Variants in ZBTB38 observed in about 807,000 individuals in gnomAD.
The protein encoded by ZBTB38 is zinc finger and BTB domain containing 38, also known as zinc finger and BTB domain-containing protein 38.
ZBTB38 carries 20 observed loss-of-function variants against 76.8 expected under a neutral mutation model. The ratio of observed to expected loss-of-function variants is 0.26; its 90% CI spans 0.18 to 0.38. ZBTB38 has a LOEUF of 0.38. ZBTB38 is among the 10% of genes least tolerant of loss of function. ZBTB38 has a pLI of 1.00. For synonymous variants in ZBTB38, 504 were observed against 544.2 expected (o/e 0.93, Z 1.03); for missense variants, 1,082 against 1,482.3 (o/e 0.73, Z 4.43).
Position 141,344,283 on chromosome 3 carries a change from G to A in ZBTB38, c.-739+19827G>A, listed in dbSNP as rs143796162. Among the ~76,000 whole-genome samples, 614 of 152,170 alleles carry A rather than the reference G, an allele frequency of 4.0e-3. 6 individuals are homozygous for A. Among genetic ancestry groups the A allele is most frequent in the African/African-American group, 0.014 (574 of 41,510 alleles). On this transcript the variant is annotated intron_variant, in intron 1 of 7. Transcript: ENST00000509842. Reference sequence around the variant, plus strand: ...CTGTGTTTCCTTCTGGAGGCTTAGGGGAGAATCCCTTTCCCTACCCTTCCC... The same window carrying A: ...CTGTGTTTCCTTCTGGAGGCTTAGGAGAGAATCCCTTTCCCTACCCTTCCC...
chr3:141,431,341 A>AAAAAAAAAAAAAATATAT, intron 5 of ZBTB38, among the ~76,000 whole-genome samples: 1 of 103,296 alleles, frequency 9.7e-6, no homozygotes, highest in African/African-American at 6.0e-5. Context: ...AAAAAAAAAA[A>AAAAAAAAAAAAAATATAT]ATATATATAT....
At chr3:141,404,969 G>C (rs1364987460) in intron 5 of ZBTB38, among the ~76,000 whole-genome samples, 4 of 152,188 alleles carry the variant, frequency 2.6e-5, no homozygotes, top group Non-Finnish European at 5.9e-5. Context: ...GGACAGACCA[G>C]AGTCATAGAC....
At position 141,335,684 on chromosome 3, in the gene ZBTB38, G is replaced by A. The variant is rs6803850; in HGVS notation, c.-739+11228G>A. On this transcript the variant is annotated intron_variant, in intron 1 of 7. Transcript: ENST00000509842. ...CCACAACAGGGCCCAGCTAGCCTCAGATCACCTCCCAGAGGCACCTCTGCT... is the reference window on the plus strand; with the variant it reads ...CCACAACAGGGCCCAGCTAGCCTCAAATCACCTCCCAGAGGCACCTCTGCT... Among the ~76,000 whole-genome samples the A allele has an allele frequency of 6.1e-3, 934 of 152,338 alleles. 10 individuals are homozygous for A. The highest frequency in any genetic ancestry group is 0.021 in the African/African-American group (867 of 41,570).
intron 1 of ZBTB38, among the ~76,000 whole-genome samples, chr3:141,350,881 C>T (rs1470143283): frequency 2.6e-5 from 4 of 152,034 alleles, no homozygotes; most frequent in South Asian, 2.1e-4. Context: ...ATACAGCATG[C>T]GCTAGCAATA....
intron 1 of ZBTB38, among the ~76,000 whole-genome samples, chr3:141,345,005 A>G (rs1381251663): frequency 6.6e-6 from 1 of 152,206 alleles, no homozygotes; most frequent in Non-Finnish European, 1.5e-5. Flanking sequence ...GGAAATTCTC[A>G]TCTTCCTGAG....
intron 2 of ZBTB38, among the ~76,000 whole-genome samples, chr3:141,371,713 T>C (rs990916497): frequency 6.6e-6 from 1 of 152,206 alleles, no homozygotes; most frequent in Non-Finnish European, 1.5e-5. Context: ...AGATGTGATA[T>C]ATATGTCTAG....
intron 5 of ZBTB38, among the ~76,000 whole-genome samples, chr3:141,419,085 A>C (rs1265432323): frequency 6.6e-6 from 1 of 152,238 alleles, no homozygotes; most frequent in Non-Finnish European, 1.5e-5. Flanking sequence ...TTGCAGGCTT[A>C]ATGGGAAGCA....
chr3:141,443,974 A>C lies in ZBTB38; in HGVS notation c.1586A>C (p.Tyr529Ser). ...TGTCTTGAAACTTTCATGACCTACTATATACTCAAAAATCATCAGAAGTCT... is the reference window on the plus strand; with the variant it reads ...TGTCTTGAAACTTTCATGACCTACTCTATACTCAAAAATCATCAGAAGTCT... ...IFCLETFMTY[Y>S]ILKNHQKSFH... is the part of the protein sequence containing the mutation. The change falls in exon 6 of 6, where the codon TAT becomes TCT. Residue 529 changes from tyrosine (Y) to serine (S), a missense_variant. By Grantham distance (144) the Tyr-to-Ser change is moderately radical. Around this residue, in one of 8 missense-constraint regions of ZBTB38, gnomAD observed 60 missense variants for 126.0 expected, o/e 0.48. Coordinates refer to ENST00000321464, the MANE Select transcript of ZBTB38 (RefSeq NM_001376113.1). The surrounding 1 kb of genome is among the most constrained non-coding windows in gnomAD (Gnocchi z 5.6). 1 of 1,614,150 alleles carries C rather than the reference A, an allele frequency of 6.2e-7. No homozygotes were observed. The highest frequency in any genetic ancestry group is 8.5e-7 in the Non-Finnish European group (1 of 1,180,020).
chr3:141,364,745 G>A (rs1477325092), upstream of ZBTB38, among the ~76,000 whole-genome samples: 3 of 123,930 alleles, frequency 2.4e-5, no homozygotes, highest in Non-Finnish European at 3.4e-5. Flanking sequence ...TGAATAGACA[G>A]TTCTCCAAAG....
At chr3:141,366,508 T>C (rs1238950009), upstream of ZBTB38, 1 of 152,252 alleles carries the variant, frequency 6.6e-6, no homozygotes, top group Non-Finnish European at 1.5e-5. Context: ...GCTCCCTTGA[T>C]TAAAAGCATG....
chr3:141,395,645 C>T (rs1950189509), intron 4 of ZBTB38, among the ~76,000 whole-genome samples: 1 of 152,030 alleles, frequency 6.6e-6, no homozygotes, highest in Non-Finnish European at 1.5e-5. Flanking sequence ...TTCACAGATA[C>T]AGAAATGAAT....
At chr3:141,428,017 G>T (rs2076727273) in intron 5 of ZBTB38, among the ~76,000 whole-genome samples, 2 of 152,210 alleles carry the variant, frequency 1.3e-5, no homozygotes, top group South Asian at 4.1e-4. Context: ...AGCCATGAAG[G>T]ATCCCAGGCC....
At chr3:141,405,122 A>G (rs1171600164) in intron 5 of ZBTB38, among the ~76,000 whole-genome samples, 4 of 152,226 alleles carry the variant, frequency 2.6e-5, no homozygotes. Context: ...TTTTTCATCA[A>G]CAAATGTTTA....
chr3:141,382,604 TA>T (rs1946356371), intron 3 of ZBTB38, among the ~76,000 whole-genome samples: 2 of 152,344 alleles, frequency 1.3e-5, no homozygotes, highest in Admixed American at 6.5e-5. Context: ...TTTTGCCTCA[TA>T]AAATATTTTT....
intron 1 of ZBTB38, among the ~76,000 whole-genome samples, chr3:141,349,059 T>C (rs1471004729): frequency 3.3e-5 from 5 of 152,174 alleles, no homozygotes; most frequent in African/African-American, 1.2e-4. Context: ...GAAATCACCA[T>C]GATTCATGAA....
At chr3:141,329,099 GA>G (rs1215148379) in intron 1 of ZBTB38, among the ~76,000 whole-genome samples, 2 of 151,976 alleles carry the variant, frequency 1.3e-5, no homozygotes, top group Admixed American at 1.3e-4. Flanking sequence ...AGCCACAAAA[GA>G]AAAAAACCCC....
At chr3:141,364,050 G>A (rs1258345046), upstream of ZBTB38, among the ~76,000 whole-genome samples, 1 of 152,054 alleles carries the variant, frequency 6.6e-6, no homozygotes, top group Non-Finnish European at 1.5e-5. Context: ...ACCATAGACA[G>A]GGAGATAATA....
chr3:141,350,247 C>A (rs1323481685), intron 1 of ZBTB38, among the ~76,000 whole-genome samples: 1 of 152,126 alleles, frequency 6.6e-6, no homozygotes, highest in East Asian at 1.9e-4. Context: ...AAAATGAAGT[C>A]TTTTGTGCTT....
rs1319742305 is a variant in ZBTB38 at position 141,445,491 on chromosome 3, G to A, written c.3103G>A (p.Glu1035Lys). 1 of 1,614,220 alleles carries A rather than the reference G, an allele frequency of 6.2e-7. No homozygotes were observed. The change falls in exon 6 of 6, where the codon GAG (glutamate) becomes AAG (lysine). Residue 1035 changes from glutamate (E) to lysine (K), a missense_variant. This residue lies in a region of ZBTB38 where 69 missense variants were observed against 148.2 expected (regional missense o/e 0.47). Coordinates refer to ENST00000321464, the MANE Select transcript of ZBTB38 (RefSeq NM_001376113.1). The surrounding 1 kb of genome is among the most constrained non-coding windows in gnomAD (Gnocchi z 6.5). Reference protein sequence around the residue: ...LKMHMRCHTGEKPYQCKTCGR... With the variant: ...LKMHMRCHTGKKPYQCKTCGR... ...AATGCACATGAGATGTCACACCGGG[G>A]AGAAGCCATACCAGTGCAAGACCTG...
Sources: gnomAD v4.1 joint callset for allele counts (sites outside exome capture counted in the v4.1 genomes callset) on GRCh38, gnomAD v4.1.1 for gene constraint, gnomAD v4.1.1 regional missense constraint, Gnocchi (gnomAD v3.1) non-coding constraint, MANE v1.5 for transcripts, NCBI Gene and HGNC (gene_info 2026-07-23, HGNC 2026-07-21) for gene names.